SACM1L: variants seen among roughly 807,000 people sequenced by gnomAD.
SACM1L encodes the protein SAC1 like phosphatidylinositide phosphatase.
Under a neutral mutation model 89.5 loss-of-function variants are expected in SACM1L, and 32 were observed. That is an observed-to-expected ratio of 0.36 (90% confidence interval 0.27 to 0.48). The LOEUF is 0.48. Among genes scored for constraint, SACM1L ranks in the 20% least tolerant of loss-of-function variants. The pLI, the probability that SACM1L is intolerant of heterozygous loss-of-function variation, is 0.99. For missense variants in SACM1L, 543 were observed against 708.5 expected (o/e 0.77, Z 2.65); for synonymous variants, 213 against 232.8 (o/e 0.92, Z 0.77).
intron 19 of SACM1L, among the ~76,000 whole-genome samples, chr3:45,741,818 A>AAAG (rs1417353852): frequency 6.6e-6 from 1 of 152,206 alleles, no homozygotes; most frequent in East Asian, 1.9e-4. Flanking sequence ...AACCATTTAA[A>AAAG]AATGTAAAAA....
intron 2 of SACM1L, among the ~76,000 whole-genome samples, chr3:45,704,764 G>C (rs1698347324): frequency 6.6e-6 from 1 of 152,228 alleles, no homozygotes; most frequent in Admixed American, 6.5e-5. Context: ...ACAGTCATCA[G>C]TAAGACACAT....
Position 45,736,431 on chromosome 3 carries a change from T to C in SACM1L, c.1239+1058T>C, listed in dbSNP as rs1422314947. 1.3e-5 allele frequency among the ~76,000 whole-genome samples: 2 copies of C among 152,238 alleles called. 1 individual carries two copies. Among genetic ancestry groups the C allele is most frequent in the Admixed American group, 1.3e-4 (2 of 15,286 alleles). Reference sequence around the variant, plus strand: ...ACAAAATGCATACCACATGGTTTCCTGTTCAGGTAATTAGTAAGCATTCAG... The same window carrying C: ...ACAAAATGCATACCACATGGTTTCCCGTTCAGGTAATTAGTAAGCATTCAG... On this transcript the variant is annotated intron_variant, in intron 14 of 19. Transcript: ENST00000389061.
At chr3:45,689,862 A>G (rs80262885) in intron 1 of SACM1L, 11,902 of 346,306 alleles carry the variant, frequency 0.034, 1,068 homozygotes, top group African/African-American at 0.2. Context: ...CTTAACAGAG[A>G]AAAAGAGTTT....
At chr3:45,699,028 C>T in intron 1 of SACM1L, among the ~76,000 whole-genome samples, 1 of 152,190 alleles carries the variant, frequency 6.6e-6, no homozygotes, top group East Asian at 1.9e-4. Context: ...CCGCCTCGGC[C>T]TCCCAAAGTG....
intron 4 of SACM1L, among the ~76,000 whole-genome samples, chr3:45,707,641 A>G (rs1698429164): frequency 6.6e-6 from 1 of 152,232 alleles, no homozygotes; most frequent in Non-Finnish European, 1.5e-5. Flanking sequence ...AGGCGAACTG[A>G]CCGACATTAA....
intron 17 of SACM1L, 49 bp downstream of exon 17, chr3:45,738,720 C>A: frequency 6.6e-7 from 1 of 1,511,890 alleles, no homozygotes; most frequent in Non-Finnish European, 9.2e-7. Context: ...TGTATCTTTG[C>A]ATTGTTCATC....
Position 45,745,065 on chromosome 3 carries a change from G to C in SACM1L, c.*1396G>C, listed in dbSNP as rs779197094. ...AATAATAGCTGGAAAACCCTCTGTAGTTTAAAATCAGTCATTAAACTCACA... is the reference window on the plus strand; with the variant it reads ...AATAATAGCTGGAAAACCCTCTGTACTTTAAAATCAGTCATTAAACTCACA... On this transcript the variant is annotated 3_prime_UTR_variant, in exon 20 of 20. Transcript: ENST00000389061. 6.6e-6 allele frequency: 1 copy of C among 152,026 alleles called. No individual in the cohort carries two copies. The highest frequency in any genetic ancestry group is 1.5e-5 in the Non-Finnish European group (1 of 68,012). The allele number at this position is 152,026 out of a possible 1,614,324, so 9.4% of individuals were successfully genotyped here. A position where few individuals can be genotyped will look rare whatever the true frequency, so the allele number is the denominator to read the frequency against.
chr3:45,708,392 CAT>C (rs1272265284), intron 4 of SACM1L, among the ~76,000 whole-genome samples: 1 of 152,094 alleles, frequency 6.6e-6, no homozygotes, highest in South Asian at 2.1e-4. Flanking sequence ...ATTTTAGTTA[CAT>C]GTTTGCTATT....
intron 6 of SACM1L, chr3:45,713,426 T>G (rs532774445): frequency 2.9e-6 from 1 of 345,596 alleles, no homozygotes; most frequent in Admixed American, 4.8e-5. Flanking sequence ...AATACATTGC[T>G]TTGTCTAACT....
intron 1 of SACM1L, among the ~76,000 whole-genome samples, chr3:45,691,026 C>T (rs1303849575): frequency 1.3e-5 from 2 of 152,152 alleles, no homozygotes; most frequent in African/African-American, 2.4e-5. Context: ...TTTCAGCTGC[C>T]AGAACACTAA....
In SACM1L at chr3:45,739,586, G is replaced by A; in HGVS notation, c.1570-1G>A. The A allele has an allele frequency of 6.2e-7, 1 of 1,613,952 alleles. No individual in the cohort carries two copies. The highest frequency in any genetic ancestry group is 8.5e-7 in the Non-Finnish European group (1 of 1,179,894). ...TGATCTCTTTCTATTGTCTTTTCCAGTTGCCTATTATCATGGTTGTTGCCT... is the reference window on the plus strand; with the variant it reads ...TGATCTCTTTCTATTGTCTTTTCCAATTGCCTATTATCATGGTTGTTGCCT... On this transcript the variant is annotated splice_acceptor_variant, in intron 18 of 19. Coordinates refer to ENST00000389061, the MANE Select transcript of SACM1L (RefSeq NM_014016.5). LOFTEE classifies it high-confidence loss of function.
At chr3:45,699,049 G>T (rs986653997) in intron 1 of SACM1L, among the ~76,000 whole-genome samples, 3 of 152,080 alleles carry the variant, frequency 2.0e-5, no homozygotes, top group Admixed American at 2.0e-4. Context: ...CTGGGATTTT[G>T]CATGAGCCTC....
At chr3:45,733,483 A>G (rs1699124098) in intron 13 of SACM1L, among the ~76,000 whole-genome samples, 1 of 152,184 alleles carries the variant, frequency 6.6e-6, no homozygotes, top group Non-Finnish European at 1.5e-5. Flanking sequence ...GTACGGACAC[A>G]CACACCCTTG....
intron 2 of SACM1L, among the ~76,000 whole-genome samples, chr3:45,703,886 AGTT>A: frequency 6.6e-6 from 1 of 152,154 alleles, no homozygotes. Context: ...AGAGTGAAAA[AGTT>A]GTTTCAGCTT....
At chr3:45,697,674 A>G (rs376915218) in intron 1 of SACM1L, among the ~76,000 whole-genome samples, 3 of 152,322 alleles carry the variant, frequency 2.0e-5, no homozygotes, top group East Asian at 1.9e-4. Flanking sequence ...TTATACAAGT[A>G]TTATGCTATT....
At chr3:45,726,240 G>C (rs2125699648) in intron 11 of SACM1L, among the ~76,000 whole-genome samples, 1 of 152,124 alleles carries the variant, frequency 6.6e-6, no homozygotes, top group South Asian at 2.1e-4. Flanking sequence ...CTCTTCTTCA[G>C]CTTTTTGGTA....
rs1478128113 is a variant in SACM1L, at chr3:45,735,021, A to G, written c.1101-214A>G. ...TGGGGTGAGATGATCTCTAATCTTCAGCCATTTTTTGGATGGAGGGCTGTC... is the reference window on the plus strand; with the variant it reads ...TGGGGTGAGATGATCTCTAATCTTCGGCCATTTTTTGGATGGAGGGCTGTC... On this transcript the variant is annotated intron_variant, in intron 13 of 19. Transcript: ENST00000389061. 7.0e-6 allele frequency: 3 copies of G among 429,466 alleles called. No homozygotes were observed. The Admixed American group carries it at 1.2e-4, about 17-fold the overall frequency. 26.6% of individuals were successfully genotyped at this position (429,466 alleles called of 1,614,324 possible).
chr3:45,716,060 A>G (rs1170446386), intron 7 of SACM1L, among the ~76,000 whole-genome samples: 1 of 152,164 alleles, frequency 6.6e-6, no homozygotes. Context: ...AATGACCCCA[A>G]GACAGGAACA....
At chr3:45,722,485 G>A (rs2742447) in intron 9 of SACM1L, among the ~76,000 whole-genome samples, 60,874 of 151,946 alleles carry the variant, frequency 0.4, 14,465 homozygotes, top group Middle Eastern at 0.55. Context: ...GCTCCAGAGC[G>A]TTAGTGGCCA....
Sources: allele counts gnomAD v4.1 joint callset (sites outside exome capture counted in the v4.1 genomes callset), GRCh38; gene constraint gnomAD v4.1.1; transcripts MANE v1.5; gene names NCBI Gene and HGNC (gene_info 2026-07-23, HGNC 2026-07-21).